Variants in NALF1 observed in about 807,000 individuals in gnomAD.
The protein encoded by NALF1 is family with sequence similarity 155 member A.
In NALF1, 3 loss-of-function variants were observed where a neutral mutation model predicts 48.4. The ratio of observed to expected loss-of-function variants is 0.06; its 90% confidence interval spans 0.03 to 0.16. The LOEUF is 0.16. NALF1 is among the 10% of genes least tolerant of loss of function. The probability of loss-of-function intolerance (pLI) is 1.00; values close to 1 mark genes in which losing one functional copy is unlikely to be tolerated. For synonymous variants in NALF1, 262 were observed against 245.7 expected (o/e 1.07, Z -0.62); for missense variants, 526 against 571.5 (o/e 0.92, Z 0.81).
intron 1 of NALF1, among the ~76,000 whole-genome samples, chr13:107,500,493 T>G (rs1377869812): frequency 4.6e-5 from 7 of 151,362 alleles, no homozygotes; most frequent in African/African-American, 1.7e-4. Flanking sequence ...GGAACACTTT[T>G]ACACTGTTGG....
intron 1 of NALF1, among the ~76,000 whole-genome samples, chr13:107,855,086 A>C (rs1880411241): frequency 6.6e-6 from 1 of 152,118 alleles, no homozygotes; most frequent in Non-Finnish European, 1.5e-5. Context: ...ACCTCTTTGC[A>C]GAGGCGTTTC....
chr13:107,666,225 A>G (rs761503733), intron 1 of NALF1, among the ~76,000 whole-genome samples: 2 of 152,056 alleles, frequency 1.3e-5, no homozygotes, highest in Non-Finnish European at 2.9e-5. Context: ...TTGTTCATTG[A>G]CCCTCTAGAA....
At chr13:107,835,684 T>C (rs943375411) in intron 1 of NALF1, among the ~76,000 whole-genome samples, 1 of 152,096 alleles carries the variant, frequency 6.6e-6, no homozygotes, top group Non-Finnish European at 1.5e-5. Context: ...CTGAAGTATA[T>C]TAATAATAAT....
intron 1 of NALF1, among the ~76,000 whole-genome samples, chr13:107,246,086 G>T (rs1437908588): frequency 6.6e-6 from 1 of 152,062 alleles, no homozygotes; most frequent in Admixed American, 6.6e-5. Flanking sequence ...GCACAATGAG[G>T]TTCCTGAAAC....
At chr13:107,843,510 T>C (rs79156844) in intron 1 of NALF1, among the ~76,000 whole-genome samples, 2,911 of 152,290 alleles carry the variant, frequency 0.019, 50 homozygotes, top group African/African-American at 0.046. Context: ...CCTGGAAACT[T>C]ATCTGCAATG....
intron 1 of NALF1, among the ~76,000 whole-genome samples, chr13:107,455,136 C>T (rs2139038262): frequency 6.6e-6 from 1 of 152,236 alleles, no homozygotes; most frequent in South Asian, 2.1e-4. Flanking sequence ...ATATCTCTCT[C>T]ACCTGCTGCC....
chr13:107,421,132 C>T (rs900538243), intron 1 of NALF1, among the ~76,000 whole-genome samples: 1 of 152,138 alleles, frequency 6.6e-6, no homozygotes, highest in Non-Finnish European at 1.5e-5. Context: ...GCAAGGCACC[C>T]TCTATTCTAA....
chr13:107,578,804 C>T lies in NALF1; in HGVS notation c.915+286878G>A, dbSNP rs1878222769. ...ACTCGTATGAATATGTAGAACTATA[C>T]TGTGTGTTGAAAATCACAGATTCTT... On this transcript the variant is annotated intron_variant, in intron 1 of 2. Coordinates refer to ENST00000375915, the MANE Select transcript of NALF1 (RefSeq NM_001080396.3). 2.0e-5 allele frequency among the ~76,000 whole-genome samples: 3 copies of T among 152,136 alleles called. No individual in the cohort carries two copies. The South Asian group carries it at 6.2e-4, about 31-fold the overall frequency.
chr13:107,462,722 G>A (rs747359889), intron 1 of NALF1, among the ~76,000 whole-genome samples: 8 of 152,274 alleles, frequency 5.3e-5, no homozygotes, highest in Middle Eastern at 3.4e-3. Flanking sequence ...CGAAGGCTTG[G>A]GTGAGCTTCC....
chr13:107,364,097 T>C (rs1313544478), intron 1 of NALF1, among the ~76,000 whole-genome samples: 2 of 152,240 alleles, frequency 1.3e-5, no homozygotes, highest in Admixed American at 6.5e-5. Context: ...ATGTTTTTCT[T>C]TTTACTGAGA....
In NALF1 at chr13:107,612,074, G is replaced by GAGGAGTGGGGGGGAGAGAA. The variant is rs1555312429; in HGVS notation, c.915+253607_915+253608insTTCTCTCCCCCCCACTCCT. ...GAGAGAGGGGAGTGGGGGGGAGAGA[G>GAGGAGTGGGGGGGAGAGAA]GGGAGTGGGGGGGAGAGAGGGGAGG... On this transcript the variant is annotated intron_variant, in intron 1 of 2. Transcript: ENST00000375915. 4.2e-3 allele frequency among the ~76,000 whole-genome samples: 318 copies of GAGGAGTGGGGGGGAGAGAA among 74,984 alleles called. 18 individuals carry two copies. The East Asian group carries it at 0.1, about 24-fold the overall frequency. 49.2% of individuals were successfully genotyped at this position (74,984 alleles called of 152,430 possible).
chr13:107,206,126 T>C (rs1436398909), intron 2 of NALF1, among the ~76,000 whole-genome samples: 2 of 152,308 alleles, frequency 1.3e-5, no homozygotes, highest in African/African-American at 2.4e-5. Context: ...AAATGACATG[T>C]TTCACCCTGA....
At chr13:107,372,954 T>C (rs1466679727) in intron 1 of NALF1, among the ~76,000 whole-genome samples, 1 of 107,448 alleles carries the variant, frequency 9.3e-6, no homozygotes, top group African/African-American at 2.9e-5. Context: ...AATTTTCTAC[T>C]GCTAGCATCT....
At chr13:107,242,162 T>C (rs1016491165) in intron 1 of NALF1, among the ~76,000 whole-genome samples, 1 of 152,228 alleles carries the variant, frequency 6.6e-6, no homozygotes, top group Non-Finnish European at 1.5e-5. Flanking sequence ...CAGAAGAGTC[T>C]GTAAATATAT....
chr13:107,468,375 T>C (rs1885042893), intron 1 of NALF1, among the ~76,000 whole-genome samples: 1 of 152,150 alleles, frequency 6.6e-6, no homozygotes, highest in Non-Finnish European at 1.5e-5. Flanking sequence ...TCATAAACTT[T>C]GAAAGCTGGA....
chr13:107,492,928 GAAT>G (rs1414850250), intron 1 of NALF1, among the ~76,000 whole-genome samples: 5 of 152,102 alleles, frequency 3.3e-5, no homozygotes, highest in Non-Finnish European at 7.4e-5. Flanking sequence ...TTAATATGTA[GAAT>G]AATTATGAAA....
chr13:107,785,104 G>GTA (rs1878033729), intron 1 of NALF1, among the ~76,000 whole-genome samples: 1 of 151,436 alleles, frequency 6.6e-6, no homozygotes, highest in African/African-American at 2.4e-5. Context: ...ACATATATAT[G>GTA]TATGTATATG....
intron 1 of NALF1, among the ~76,000 whole-genome samples, chr13:107,522,776 C>CT (rs1263299841): frequency 2.0e-5 from 3 of 150,722 alleles, no homozygotes; most frequent in East Asian, 2.0e-4. Flanking sequence ...ACTAATTTTT[C>CT]TTTTTTTTCT....
At chr13:107,442,337 T>G (rs1174102047) in intron 1 of NALF1, among the ~76,000 whole-genome samples, 2 of 152,214 alleles carry the variant, frequency 1.3e-5, no homozygotes, top group African/African-American at 4.8e-5. Flanking sequence ...AAATACATAG[T>G]TGTTCCATAA....
Sources: gnomAD v4.1 joint callset for allele counts (sites outside exome capture counted in the v4.1 genomes callset) on GRCh38, gnomAD v4.1.1 for gene constraint, MANE v1.5 for transcripts, NCBI Gene and HGNC (gene_info 2026-07-23, HGNC 2026-07-21) for gene names.